The following SUPT3H variants were observed in gnomAD, a reference collection of about 807,000 sequenced individuals.
The protein encoded by SUPT3H is transcription initiation protein SPT3 homolog.
SUPT3H carries 44 observed loss-of-function variants against 44.3 expected under a neutral mutation model. That is an observed-to-expected ratio of 0.99 (90% CI 0.78 to 1.28). The LOEUF (loss-of-function observed/expected upper bound fraction) is 1.28, where lower values mean the gene tolerates loss of function less well. Among genes scored for constraint, SUPT3H ranks in the 50% most tolerant of loss-of-function variants. The pLI, the probability that SUPT3H is intolerant of heterozygous loss-of-function variation, is 0.00. For synonymous variants in SUPT3H, 124 were observed against 125.6 expected (o/e 0.99, Z 0.09); for missense variants, 380 against 387.1 (o/e 0.98, Z 0.15).
At chr6:45,376,925 T>A (rs1796869999) in intron 1 of SUPT3H, among the ~76,000 whole-genome samples, 1 of 152,198 alleles carries the variant, frequency 6.6e-6, no homozygotes, top group African/African-American at 2.4e-5. Context: ...ACACATTTCT[T>A]TCTACCGAAA....
At chr6:44,997,436 C>CT (rs1160411919) in intron 6 of SUPT3H, among the ~76,000 whole-genome samples, 1 of 151,614 alleles carries the variant, frequency 6.6e-6, no homozygotes, top group Non-Finnish European at 1.5e-5. Context: ...TTGACACTGT[C>CT]TTTTTTCTCA....
intron 10 of SUPT3H, among the ~76,000 whole-genome samples, chr6:44,917,376 T>G (rs1179518846): frequency 6.6e-6 from 1 of 152,238 alleles, no homozygotes; most frequent in Non-Finnish European, 1.5e-5. Context: ...TACACACATA[T>G]ACGTACAATA....
chr6:44,892,967 T>A (rs1030449143), intron 10 of SUPT3H, among the ~76,000 whole-genome samples: 24 of 152,242 alleles, frequency 1.6e-4, no homozygotes, highest in African/African-American at 5.5e-4. Flanking sequence ...ACAAACCAAC[T>A]ATCCAAGCAG....
intron 2 of SUPT3H, among the ~76,000 whole-genome samples, chr6:45,270,236 C>T (rs1284606482): frequency 1.3e-5 from 2 of 152,068 alleles, no homozygotes. Context: ...CCCTAAAGAA[C>T]TGAGAGTCCT....
At chr6:44,900,994 G>A (rs1268988024) in intron 10 of SUPT3H, among the ~76,000 whole-genome samples, 1 of 151,984 alleles carries the variant, frequency 6.6e-6, no homozygotes, top group African/African-American at 2.4e-5. Context: ...ACAAACAGAA[G>A]GAACATCCAC....
At chr6:44,934,144 T>C (rs1447657668) in intron 9 of SUPT3H, among the ~76,000 whole-genome samples, 1 of 152,226 alleles carries the variant, frequency 6.6e-6, no homozygotes, top group African/African-American at 2.4e-5. Context: ...TGATAATTAA[T>C]ACATTTTTTA....
At chr6:45,079,084 G>A (rs1034665034) in intron 3 of SUPT3H, among the ~76,000 whole-genome samples, 2 of 152,142 alleles carry the variant, frequency 1.3e-5, no homozygotes, top group Non-Finnish European at 2.9e-5. Context: ...GCCGAGGCTG[G>A]TGGATCACTA....
At chr6:45,159,060 C>T (rs2153600238) in intron 2 of SUPT3H, 1 of 152,314 alleles carries the variant, frequency 6.6e-6, no homozygotes, top group East Asian at 1.9e-4. Flanking sequence ...CCAGTCCCTA[C>T]ATTCCCATTC....
intron 7 of SUPT3H, among the ~76,000 whole-genome samples, chr6:44,960,744 T>C (rs1775908294): frequency 6.6e-6 from 1 of 152,266 alleles, no homozygotes; most frequent in South Asian, 2.1e-4. Context: ...TGAAGTGCCA[T>C]TTACTTAATG....
In SUPT3H at chr6:44,951,554, A is replaced by T. The variant is rs147925401; in HGVS notation, c.801+1756T>A. Among the ~76,000 whole-genome samples, 562 of 152,172 alleles carry T rather than the reference A, an allele frequency of 3.7e-3. 7 individuals are homozygous for T. Among genetic ancestry groups the T allele is most frequent in the African/African-American group, 0.013 (534 of 41,494 alleles). On this transcript the variant is annotated intron_variant, in intron 9 of 10. Transcript: ENST00000371459. ...GAGGGGTGTCTGCCAGCCAGAAAAA[A>T]GTTTGAGGCTTATACTAACATATTT... is the stretch of plus-strand genomic sequence containing the variant.
chr6:44,976,845 G>C (rs1778408694), intron 6 of SUPT3H, among the ~76,000 whole-genome samples: 1 of 152,184 alleles, frequency 6.6e-6, no homozygotes, highest in Non-Finnish European at 1.5e-5. Flanking sequence ...CAAGTAGCCT[G>C]AACACAATGG....
intron 2 of SUPT3H, among the ~76,000 whole-genome samples, chr6:45,114,052 AATT>A (rs956430897): frequency 2.4e-4 from 36 of 152,104 alleles, no homozygotes; most frequent in African/African-American, 8.4e-4. Context: ...AGCAAAATTA[AATT>A]ATTTATGATA....
At chr6:45,367,062 A>G (rs1473716649) in intron 1 of SUPT3H, among the ~76,000 whole-genome samples, 1 of 152,140 alleles carries the variant, frequency 6.6e-6, no homozygotes, top group African/African-American at 2.4e-5. Flanking sequence ...AAGGTTGGGG[A>G]AAAAAAGCTA....
chr6:45,006,210 C>T (rs1661662917), intron 5 of SUPT3H, among the ~76,000 whole-genome samples: 1 of 151,892 alleles, frequency 6.6e-6, no homozygotes, highest in African/African-American at 2.4e-5. Flanking sequence ...TTATTTATAA[C>T]CTTTCTTTAT....
chr6:45,181,035 C>T (rs1168419739), intron 2 of SUPT3H, among the ~76,000 whole-genome samples: 3 of 151,304 alleles, frequency 2.0e-5, no homozygotes, highest in African/African-American at 7.3e-5. Context: ...AAAAAACAAC[C>T]CCATCAAAAA....
chr6:45,340,533 A>G (rs925837261), intron 2 of SUPT3H, among the ~76,000 whole-genome samples: 31 of 152,066 alleles, frequency 2.0e-4, no homozygotes, highest in African/African-American at 7.0e-4. Context: ...CATGTTGCCC[A>G]GGCTGGTCTC....
At position 45,279,003 on chromosome 6, in the gene SUPT3H, T is replaced by G. The variant is rs189527947; in HGVS notation, c.101+86198A>C. Among the ~76,000 whole-genome samples the G allele has an allele frequency of 3.2e-4, 48 of 152,234 alleles. No individual in the cohort carries two copies. The South Asian group carries it at 6.0e-3, about 19-fold the overall frequency. On this transcript the variant is annotated intron_variant, in intron 2 of 10. Transcript: ENST00000371459. ...ATTTGGATAATATTTCTGAAAAAAG[T>G]TAAAATAATTCATGAAACCTAAAAC...
downstream of SUPT3H, among the ~76,000 whole-genome samples, chr6:44,825,470 G>A (rs182872383): frequency 3.3e-5 from 5 of 152,292 alleles, no homozygotes; most frequent in Admixed American, 1.3e-4. Context: ...TTAACAGCAT[G>A]AGCTTTGGGA....
At chr6:45,171,212 T>C (rs1810711922) in intron 2 of SUPT3H, among the ~76,000 whole-genome samples, 1 of 152,200 alleles carries the variant, frequency 6.6e-6, no homozygotes, top group Non-Finnish European at 1.5e-5. Flanking sequence ...ATTAAGATGA[T>C]GAAAACAAAT....
Sources: gnomAD v4.1 joint callset for allele counts (sites outside exome capture counted in the v4.1 genomes callset) on GRCh38, gnomAD v4.1.1 for gene constraint, MANE v1.5 for transcripts, NCBI Gene and HGNC (gene_info 2026-07-23, HGNC 2026-07-21) for gene names.